The following CHRM5 variants were observed in gnomAD, a reference collection of about 807,000 sequenced individuals.
CHRM5 encodes cholinergic receptor muscarinic 5.
In CHRM5, 18 loss-of-function variants were observed where a neutral mutation model predicts 39.0. That is an observed-to-expected ratio of 0.46 (90% CI 0.32 to 0.68). The LOEUF (loss-of-function observed/expected upper bound fraction) is 0.68, where lower values mean the gene tolerates loss of function less well. CHRM5 is among the 30% of genes least tolerant of loss of function. CHRM5 has a pLI of 0.04. For missense variants in CHRM5, 515 were observed against 651.1 expected (o/e 0.79, Z 2.28); for synonymous variants, 241 against 246.3 (o/e 0.98, Z 0.20).
chr15:33,974,613 A>G (rs1395985783), intron 1 of CHRM5, among the ~76,000 whole-genome samples: 2 of 152,336 alleles, frequency 1.3e-5, no homozygotes, highest in South Asian at 4.1e-4. Flanking sequence ...CTCAGGGTAC[A>G]TGAATAATGC....
chr15:34,058,575 C>CACACACAT (rs1900235828), intron 2 of CHRM5, among the ~76,000 whole-genome samples: 1 of 151,742 alleles, frequency 6.6e-6, no homozygotes, highest in Non-Finnish European at 1.5e-5. Flanking sequence ...CACACACACA[C>CACACACAT]ACACACACAC....
At chr15:33,977,360 G>T (rs780598485) in intron 1 of CHRM5, among the ~76,000 whole-genome samples, 2 of 152,124 alleles carry the variant, frequency 1.3e-5, no homozygotes, top group Non-Finnish European at 2.9e-5. Context: ...AGATGAGACA[G>T]ATTCAAAACA....
intron 1 of CHRM5, among the ~76,000 whole-genome samples, chr15:34,005,918 G>C (rs377064152): frequency 6.6e-6 from 1 of 152,184 alleles, no homozygotes; most frequent in East Asian, 1.9e-4. Context: ...CTGAAAACTA[G>C]AGCATTCCTG....
chr15:34,000,035 C>T (rs1281006385), intron 1 of CHRM5, among the ~76,000 whole-genome samples: 1 of 152,176 alleles, frequency 6.6e-6, no homozygotes, highest in Non-Finnish European at 1.5e-5. Context: ...ATTCCCTATC[C>T]TCCTATCTCA....
chr15:34,056,989 T>C (rs1900177759), intron 2 of CHRM5, among the ~76,000 whole-genome samples: 1 of 152,134 alleles, frequency 6.6e-6, no homozygotes, highest in South Asian at 2.1e-4. Context: ...CAGTGAACTA[T>C]GATCACACCA....
chr15:33,981,891 G>A (rs1161265405), intron 1 of CHRM5, among the ~76,000 whole-genome samples: 1 of 152,102 alleles, frequency 6.6e-6, no homozygotes, highest in Non-Finnish European at 1.5e-5. Flanking sequence ...CTGGAGTGCA[G>A]TGGCGCGATC....
At chr15:34,017,927 C>T (rs141439128) in intron 1 of CHRM5, among the ~76,000 whole-genome samples, 1 of 152,280 alleles carries the variant, frequency 6.6e-6, no homozygotes, top group East Asian at 1.9e-4. Context: ...TCATAGTGCA[C>T]AGCATTATTC....
chr15:34,058,148 A>C (rs182476983), intron 2 of CHRM5, among the ~76,000 whole-genome samples: 1 of 152,260 alleles, frequency 6.6e-6, no homozygotes, highest in Non-Finnish European at 1.5e-5. Context: ...AAATGATCGA[A>C]TGAGGCCTAC....
chr15:33,983,160 A>ATATATG (rs1555512751), intron 1 of CHRM5, among the ~76,000 whole-genome samples: 16 of 64,588 alleles, frequency 2.5e-4, no homozygotes, highest in East Asian at 1.5e-3. Flanking sequence ...GTGTGTGTGT[A>ATATATG]TGTGTGTGTG....
intron 1 of CHRM5, among the ~76,000 whole-genome samples, chr15:33,980,787 C>T (rs1896103722): frequency 6.6e-6 from 1 of 152,084 alleles, no homozygotes; most frequent in South Asian, 2.1e-4. Flanking sequence ...TTCCCAAATC[C>T]CATGTGTACC....
chr15:34,014,550 C>A (rs976618932), intron 1 of CHRM5, among the ~76,000 whole-genome samples: 3 of 152,000 alleles, frequency 2.0e-5, no homozygotes, highest in Non-Finnish European at 4.4e-5. Context: ...TCCACAAAGT[C>A]CCAAAGATGA....
Position 33,983,803 on chromosome 15 carries a change from G to A in CHRM5, c.-408+14653G>A, listed in dbSNP as rs558302018. Among the ~76,000 whole-genome samples the A allele has an allele frequency of 2.2e-3, 331 of 152,114 alleles. 4 individuals are homozygous for A. Among genetic ancestry groups the A allele is most frequent in the Admixed American group, 2.2e-3 (33 of 15,278 alleles). On this transcript the variant is annotated intron_variant, in intron 1 of 2. Transcript: ENST00000383263. ...CTAAGTGGTAACTAAGAGTAACTAA[G>A]TGATCAGAGTTAACATCATCAGCAG...
chr15:34,063,482 C>CT lies in CHRM5; in HGVS notation c.766dup (p.Cys256LeufsTer43). The CT allele has an allele frequency of 6.2e-7, 1 of 1,613,868 alleles. No homozygotes were observed. Among genetic ancestry groups the CT allele is most frequent in the Non-Finnish European group, 8.5e-7 (1 of 1,180,028 alleles). On this transcript the variant is annotated frameshift_variant, in exon 3 of 3. Coordinates refer to ENST00000383263, the MANE Select transcript of CHRM5 (RefSeq NM_012125.4). LOFTEE classifies it high-confidence loss of function. This position sits in a 1 kb window ranked among gnomAD's most constrained non-coding sequence, Gnocchi z 4.1. ...GGGCTCTGTTCAGATCCTGCTTGCG[C>CT]TGTCCTCGACCCACCCTGGCCCAGC...
chr15:34,030,472 A>C (rs145004301), intron 1 of CHRM5, among the ~76,000 whole-genome samples: 6,671 of 151,928 alleles, frequency 0.044, 676 homozygotes, highest in East Asian at 0.34. Flanking sequence ...CAGCCTCTCA[A>C]GTAGCTGGGA....
intron 2 of CHRM5, among the ~76,000 whole-genome samples, chr15:34,056,125 G>A (rs1041351349): frequency 7.2e-5 from 11 of 152,136 alleles, no homozygotes; most frequent in African/African-American, 2.2e-4. Flanking sequence ...AGTAACTGCC[G>A]TTTCCCTAGT....
intron 1 of CHRM5, among the ~76,000 whole-genome samples, chr15:34,029,356 T>C (rs1444411795): frequency 6.6e-6 from 1 of 152,106 alleles, no homozygotes; most frequent in Non-Finnish European, 1.5e-5. Context: ...AATAATTCCC[T>C]TGGCTGACTA....
Position 34,064,586 on chromosome 15 carries a change from C to T in CHRM5, c.*270C>T. 2.2e-6 allele frequency: 1 copy of T among 453,936 alleles called. No individual in the cohort carries two copies. Among genetic ancestry groups the T allele is most frequent in the Non-Finnish European group, 4.0e-6 (1 of 247,498 alleles). The allele number at this position is 453,936 out of a possible 1,614,324, so 28.1% of individuals were successfully genotyped here. ...GTAAAGGGATAGGCTCATGGCCCTT[C>T]ACAAGAGGAAGCACACTGGGTAACA... is the stretch of plus-strand genomic sequence containing the variant. On this transcript the variant is annotated 3_prime_UTR_variant, in exon 3 of 3. Coordinates refer to ENST00000383263, the MANE Select transcript of CHRM5 (RefSeq NM_012125.4).
At chr15:34,010,246 G>A (rs151005002) in intron 1 of CHRM5, among the ~76,000 whole-genome samples, 200 of 152,142 alleles carry the variant, frequency 1.3e-3, no homozygotes, top group African/African-American at 4.6e-3. Context: ...TTTATAATCT[G>A]CTTAATTTAA....
intron 1 of CHRM5, among the ~76,000 whole-genome samples, chr15:34,019,181 C>T (rs191067380): frequency 9.2e-5 from 14 of 152,316 alleles, no homozygotes; most frequent in South Asian, 8.3e-4. Flanking sequence ...CTGGCTTCAC[C>T]GCTTACTATT....
Sources: allele counts gnomAD v4.1 joint callset (sites outside exome capture counted in the v4.1 genomes callset), GRCh38; gene constraint gnomAD v4.1.1; non-coding constraint Gnocchi (gnomAD v3.1); transcripts MANE v1.5; gene names NCBI Gene and HGNC (gene_info 2026-07-23, HGNC 2026-07-21).